Variants in PTPN9 observed in about 807,000 individuals in gnomAD.
PTPN9 encodes tyrosine-protein phosphatase non-receptor type 9.
Under a neutral mutation model 69.8 loss-of-function variants are expected in PTPN9, and 26 were observed. That is an observed-to-expected ratio of 0.37 (90% CI 0.27 to 0.52). PTPN9 has a LOEUF of 0.52. Ranked by LOEUF, PTPN9 falls within the 20% of genes least tolerant of loss-of-function variation. PTPN9 has a pLI of 0.91. For synonymous variants in PTPN9, 274 were observed against 272.5 expected, an observed-to-expected ratio of 1.01 and a Z score of -0.05; for missense variants, 549 against 740.3, an observed-to-expected ratio of 0.74 and a Z score of 3.00.
At chr15:75,529,465 T>A (rs2074945473) in intron 1 of PTPN9, among the ~76,000 whole-genome samples, 1 of 152,184 alleles carries the variant, frequency 6.6e-6, no homozygotes, top group Admixed American at 6.5e-5. Flanking sequence ...TATTTATTCA[T>A]ATTTAATAAG....
chr15:75,532,134 C>T (rs535353715), intron 1 of PTPN9, among the ~76,000 whole-genome samples: 65 of 152,222 alleles, frequency 4.3e-4, no homozygotes, highest in African/African-American at 1.5e-3. Context: ...CACAGTGGCT[C>T]GCCCCTGTAA....
chr15:75,529,390 C>T (rs537880431), intron 1 of PTPN9, among the ~76,000 whole-genome samples: 19 of 152,260 alleles, frequency 1.2e-4, no homozygotes, highest in Non-Finnish European at 1.9e-4. Context: ...TGCAATATGA[C>T]GAACCTGATG....
rs997021498 is a variant in PTPN9, at chr15:75,579,067, C to A, written c.-291G>T. The A allele has an allele frequency of 4.7e-6, 1 of 211,476 alleles. No individual in the cohort carries two copies. The highest frequency in any genetic ancestry group is 9.3e-6 in the Non-Finnish European group (1 of 107,196). The allele number at this position is 211,476 out of a possible 1,614,324, so 13.1% of individuals were successfully genotyped here. On this transcript the variant is annotated 5_prime_UTR_variant, in exon 1 of 13. Coordinates refer to ENST00000618819, the MANE Select transcript of PTPN9 (RefSeq NM_002833.4). ...GGGAAGAAAAAGTGCAGGCGAAGAG[C>A]TAACAGCCACTCGGGATTTAAAAGG...
At chr15:75,545,534 G>A (rs556042935) in intron 1 of PTPN9, among the ~76,000 whole-genome samples, 1 of 152,138 alleles carries the variant, frequency 6.6e-6, no homozygotes, top group South Asian at 2.1e-4. Flanking sequence ...AGCAATGAAA[G>A]AGGTGACTAT....
intron 12 of PTPN9, among the ~76,000 whole-genome samples, chr15:75,469,526 G>A (rs2074552872): frequency 6.6e-6 from 1 of 152,226 alleles, no homozygotes; most frequent in Non-Finnish European, 1.5e-5. Context: ...GATACCTGCA[G>A]TGACAGTTCT....
intron 1 of PTPN9, among the ~76,000 whole-genome samples, chr15:75,567,589 A>T (rs1325951206): frequency 6.6e-6 from 1 of 152,144 alleles, no homozygotes; most frequent in African/African-American, 2.4e-5. Flanking sequence ...CAATAAACTT[A>T]CCTGTGCTAC....
chr15:75,479,828 G>C lies in PTPN9; in HGVS notation c.1129+20C>G. The C allele has an allele frequency of 6.3e-7, 1 of 1,575,310 alleles. No homozygotes were observed. The highest frequency in any genetic ancestry group is 8.6e-7 in the Non-Finnish European group (1 of 1,157,068). Reference sequence around the variant, plus strand: ...AAGTAGATGGCACAAAATCAACATGGGAGGGACGGACCAGCTTACCTTGTG... The same window carrying C: ...AAGTAGATGGCACAAAATCAACATGCGAGGGACGGACCAGCTTACCTTGTG... On this transcript the variant is annotated intron_variant, in intron 9 of 12. Transcript: ENST00000618819.
intron 4 of PTPN9, 43 bp downstream of exon 4, chr15:75,523,078 C>T (rs755203837): frequency 1.2e-6 from 2 of 1,602,852 alleles, no homozygotes; most frequent in Non-Finnish European, 1.7e-6. Context: ...TGTCACTTTC[C>T]TACCTGCATG....
At chr15:75,498,033 TA>T (rs1178390779) in intron 7 of PTPN9, among the ~76,000 whole-genome samples, 1 of 132,266 alleles carries the variant, frequency 7.6e-6, no homozygotes, top group East Asian at 2.4e-4. Flanking sequence ...TTACTAAAAA[TA>T]CAAAAAAAAA....
chr15:75,495,354 T>G (rs2074733873), intron 7 of PTPN9, among the ~76,000 whole-genome samples: 1 of 152,104 alleles, frequency 6.6e-6, no homozygotes, highest in Admixed American at 6.6e-5. Flanking sequence ...ATTGATTATC[T>G]GATACATTCA....
intron 10 of PTPN9, 115 bp downstream of exon 10, chr15:75,473,574 G>T: frequency 1.1e-6 from 1 of 898,762 alleles, no homozygotes; most frequent in Non-Finnish European, 1.8e-6. Flanking sequence ...ACAGGCGTGA[G>T]CCACCGTGCC....
chr15:75,503,453 T>G (rs1182610313), intron 7 of PTPN9, among the ~76,000 whole-genome samples: 1 of 138,692 alleles, frequency 7.2e-6, no homozygotes, highest in Non-Finnish European at 1.6e-5. Flanking sequence ...CCGCCCCGTC[T>G]GAGAAGTGAG....
Position 75,468,868 on chromosome 15 carries a change from A to T in PTPN9, c.1683T>A (p.Pro561=). 6.2e-7 allele frequency: 1 copy of T among 1,614,178 alleles called. No individual in the cohort carries two copies. Among genetic ancestry groups the T allele is most frequent in the Non-Finnish European group, 8.5e-7 (1 of 1,180,016 alleles). Reference sequence around the variant, plus strand: ...CCTTGTAGCAAAAATAGTACTGCTCAGGGGTCTGGATGCTGAAGGCCCTCT... The same window carrying T: ...CCTTGTAGCAAAAATAGTACTGCTCTGGGGTCTGGATGCTGAAGGCCCTCT... The part of the protein sequence containing the change: ...RTQRAFSIQT[P]EQYYFCYKAI... The change falls in exon 13 of 13, where the codon CCT becomes CCA. Residue 561 remains proline, a synonymous_variant. Coordinates refer to ENST00000618819, the MANE Select transcript of PTPN9 (RefSeq NM_002833.4).
At chr15:75,523,749 C>A (rs1216980234) in intron 3 of PTPN9, among the ~76,000 whole-genome samples, 4 of 152,208 alleles carry the variant, frequency 2.6e-5, no homozygotes, top group Admixed American at 2.0e-4. Context: ...AATGGACCAA[C>A]TGAAGAAACT....
chr15:75,530,687 T>TAATATATATAATATATATTATTA (rs59241994), intron 1 of PTPN9, among the ~76,000 whole-genome samples: 1 of 46,846 alleles, frequency 2.1e-5, no homozygotes, highest in Non-Finnish European at 3.4e-5. Context: ...TATTATTATA[T>TAATATATATAATATATATTATTA]TATAATATAT....
At chr15:75,578,649 G>T in intron 1 of PTPN9, 65 bp downstream of exon 1, 2 of 1,217,604 alleles carry the variant, frequency 1.6e-6, no homozygotes, top group Non-Finnish European at 2.1e-6. Flanking sequence ...CACTCGGGAG[G>T]CAGAGGCCGG....
chr15:75,529,471 A>G (rs751190872), intron 1 of PTPN9, among the ~76,000 whole-genome samples: 10 of 152,190 alleles, frequency 6.6e-5, no homozygotes, highest in Non-Finnish European at 1.0e-4. Context: ...TTCATATTTA[A>G]TAAGCACCTG....
rs200131433 is a variant in PTPN9, at chr15:75,514,528, A to G, written c.528+2731T>C. Among the ~76,000 whole-genome samples, 9 of 152,342 alleles carry G rather than the reference A, an allele frequency of 5.9e-5. No individual in the cohort carries two copies. The East Asian group carries it at 1.7e-3, about 29-fold the overall frequency. On this transcript the variant is annotated intron_variant, in intron 5 of 12. Transcript: ENST00000618819. ...CAGGAGGTGGAGGTTGCAGTGAGCC[A>G]AGATCGTGCCACTGCACTCAGCCTT...
chr15:75,579,213 C>T lies in PTPN9; in HGVS notation c.-437G>A, dbSNP rs1484762581. On this transcript the variant is annotated 5_prime_UTR_variant, in exon 1 of 13. The change creates a new upstream start codon in the 5' untranslated region. Coordinates refer to ENST00000618819, the MANE Select transcript of PTPN9 (RefSeq NM_002833.4). ...GCGCTCCCGCTCCTCCACAGCGCCA[C>T]AGAGCTCGGGGCCGCCCAGCCGGGC... 1 of 152,378 alleles carries T rather than the reference C, an allele frequency of 6.6e-6. No individual in the cohort carries two copies. Among genetic ancestry groups the T allele is most frequent in the African/African-American group, 2.4e-5 (1 of 41,596 alleles). The allele number at this position is 152,378 out of a possible 1,614,324, so 9.4% of individuals were successfully genotyped here.
Sources: gnomAD v4.1 joint callset for allele counts (sites outside exome capture counted in the v4.1 genomes callset) on GRCh38, gnomAD v4.1.1 for gene constraint, MANE v1.5 for transcripts, NCBI Gene and HGNC (gene_info 2026-07-23, HGNC 2026-07-21) for gene names.